Variants in ALS2 observed in about 807,000 individuals in gnomAD.
ALS2 encodes alsin Rho guanine nucleotide exchange factor ALS2, also known as alsin.
Under a neutral mutation model 203.4 loss-of-function variants are expected in ALS2, and 117 were observed. That is an observed-to-expected ratio of 0.58 (90% CI 0.50 to 0.67). The LOEUF is 0.67. Among genes scored for constraint, ALS2 ranks in the 30% least tolerant of loss-of-function variants. ALS2 has a pLI of 0.00. For synonymous variants in ALS2, 718 were observed against 725.9 expected (o/e 0.99, Z 0.17); for missense variants, 1,715 against 1,989.4 (o/e 0.86, Z 2.62).
intron 26 of ALS2, 45 bp downstream of exon 26, chr2:201,710,946 G>T: frequency 8.7e-7 from 1 of 1,147,910 alleles, no homozygotes; most frequent in South Asian, 1.2e-5. Context: ...TGTGGTAGGT[G>T]AATCATTAAT....
chr2:201,744,497 G>T, intron 9 of ALS2, 68 bp from the exon 10 acceptor site: 1 of 1,497,508 alleles, frequency 6.7e-7, no homozygotes, highest in Non-Finnish European at 9.2e-7. Flanking sequence ...GTATACTGAA[G>T]CTGGCTTATA....
chr2:201,730,475 T>C (rs547727489), intron 13 of ALS2, among the ~76,000 whole-genome samples: 56 of 152,326 alleles, frequency 3.7e-4, no homozygotes, highest in African/African-American at 1.3e-3. Context: ...TCTCTAACAT[T>C]CTAATTTTCG....
intron 20 of ALS2, among the ~76,000 whole-genome samples, chr2:201,724,946 T>TA (rs1185697980): frequency 6.6e-6 from 1 of 152,002 alleles, no homozygotes; most frequent in Non-Finnish European, 1.5e-5. Context: ...ACCCTGTCTC[T>TA]ACTAAAAATA....
At chr2:201,743,598 C>T (rs994888488) in intron 10 of ALS2, among the ~76,000 whole-genome samples, 2 of 152,228 alleles carry the variant, frequency 1.3e-5, no homozygotes, top group African/African-American at 4.8e-5. Flanking sequence ...AATTCTCCTG[C>T]CTCAGCCTCC....
At chr2:201,762,174 C>T (rs1373973261) in intron 3 of ALS2, among the ~76,000 whole-genome samples, 1 of 152,070 alleles carries the variant, frequency 6.6e-6, no homozygotes, top group African/African-American at 2.4e-5. Flanking sequence ...AATAAATAAC[C>T]ATGTTAAGAT....
chr2:201,761,660 C>T lies in ALS2; in HGVS notation c.334G>A (p.Ala112Thr), dbSNP rs372826085. 5.0e-6 allele frequency: 8 copies of T among 1,614,020 alleles called. No homozygotes were observed. The highest frequency in any genetic ancestry group is 2.7e-5 in the African/African-American group (2 of 74,900). The change falls in exon 4 of 34, where the codon GCG becomes ACG. Residue 112 changes from alanine (A) to threonine (T), a missense_variant. By Grantham distance (58) the Ala-to-Thr change is moderately conservative. Transcript: ENST00000264276. ...GCAGAATTCTCTCCCCACATGTACGCGACACCATTGTCTGTCACTGCTCCA... is the reference window on the plus strand; with the variant it reads ...GCAGAATTCTCTCCCCACATGTACGTGACACCATTGTCTGTCACTGCTCCA... ...HSGAVTDNGV[A>T]YMWGENSAGQ...
chr2:201,768,936 C>T lies in ALS2; in HGVS notation c.-51G>A. 6.4e-7 allele frequency: 1 copy of T among 1,559,032 alleles called. No individual in the cohort carries two copies. Among genetic ancestry groups the T allele is most frequent in the Non-Finnish European group, 8.8e-7 (1 of 1,131,454 alleles). On this transcript the variant is annotated 5_prime_UTR_variant, in exon 2 of 34. Coordinates refer to ENST00000264276, the MANE Select transcript of ALS2 (RefSeq NM_020919.4). ...AAATCATTCCTTCTTTACAGAAAGT[C>T]TATCAAGACCTAAACAGTACAAGTA...
chr2:201,777,485 T>C (rs1182202541), intron 1 of ALS2, among the ~76,000 whole-genome samples: 1 of 152,160 alleles, frequency 6.6e-6, no homozygotes, highest in Admixed American at 6.5e-5. Context: ...AATAAAAATG[T>C]TAAAGTGCTA....
At chr2:201,709,161 G>A (rs1038480946) in intron 27 of ALS2, among the ~76,000 whole-genome samples, 11 of 152,164 alleles carry the variant, frequency 7.2e-5, no homozygotes, top group African/African-American at 2.7e-4. Context: ...TCTTCCCAAA[G>A]ATGCTTACTG....
chr2:201,760,358 A>G (rs1449359728), intron 4 of ALS2: 1 of 985,754 alleles, frequency 1.0e-6, no homozygotes, highest in Non-Finnish European at 1.2e-6. Context: ...TCTTCAAATT[A>G]AGCCCAGTAA....
intron 5 of ALS2, 135 bp from the exon 6 acceptor site, chr2:201,754,806 G>T: frequency 1.1e-6 from 1 of 905,178 alleles, no homozygotes; most frequent in Non-Finnish European, 1.7e-6. Context: ...GAGGCTCTCT[G>T]TAGAAAAGGG....
In ALS2 at chr2:201,758,893, C is replaced by T. The variant is rs146675192; in HGVS notation, c.1114-1134G>A. 4.1e-3 allele frequency among the ~76,000 whole-genome samples: 630 copies of T among 152,094 alleles called. 14 individuals carry two copies. Among genetic ancestry groups the T allele is most frequent in the East Asian group, 0.016 (85 of 5,190 alleles). The stretch of plus-strand genomic sequence containing the variant: ...ACTCAAAACATTTTGTTGAATTAAA[C>T]GCTAAATTCAAAAGAGCTATTTCCA... On this transcript the variant is annotated intron_variant, in intron 4 of 33. Coordinates refer to ENST00000264276, the MANE Select transcript of ALS2 (RefSeq NM_020919.4).
At chr2:201,770,666 A>G (rs1694334262) in intron 1 of ALS2, among the ~76,000 whole-genome samples, 1 of 152,186 alleles carries the variant, frequency 6.6e-6, no homozygotes, top group Admixed American at 6.5e-5. Context: ...ATGTAATCAT[A>G]AACATCCTTA....
chr2:201,752,528 T>A (rs17469413), intron 7 of ALS2, among the ~76,000 whole-genome samples: 7,010 of 152,200 alleles, frequency 0.046, 226 homozygotes, highest in Middle Eastern at 0.092. Context: ...TAGCCTAGTA[T>A]GTGAAATGTG....
chr2:201,751,005 A>C (rs1424238689), intron 7 of ALS2, among the ~76,000 whole-genome samples: 1 of 151,956 alleles, frequency 6.6e-6, no homozygotes, highest in African/African-American at 2.4e-5. Context: ...GGCGCCTGTC[A>C]TCACGCCCGG....
chr2:201,713,752 A>C (rs1690191290), intron 25 of ALS2, among the ~76,000 whole-genome samples: 3 of 151,342 alleles, frequency 2.0e-5, no homozygotes, highest in Admixed American at 6.6e-5. Context: ...AGTATTTTAT[A>C]ATAGTTGCTT....
chr2:201,704,561 C>T lies in ALS2; in HGVS notation c.4731G>A (p.Gln1577=). 6.2e-7 allele frequency: 1 copy of T among 1,614,138 alleles called. No individual in the cohort carries two copies. The highest frequency in any genetic ancestry group is 8.5e-7 in the Non-Finnish European group (1 of 1,180,008). Residue 1577 remains glutamine, a synonymous_variant, in exon 32 of 34, where the codon CAG becomes CAA. Transcript: ENST00000264276. ...CACTCTGAGAGATCTCCTCAAAAGT[C>T]TGCTGGATGACCTTAAGTTTGTCTG... The part of the protein sequence containing the change: ...TPSDKLKVIQ[Q]TFEEISQSVL...
At chr2:201,728,430 T>C in intron 15 of ALS2, 82 bp downstream of exon 15, 1 of 1,562,436 alleles carries the variant, frequency 6.4e-7, no homozygotes, top group Non-Finnish European at 8.8e-7. Context: ...CACACTAGTT[T>C]TGAACATAAA....
chr2:201,745,991 A>G (rs1489489405), intron 9 of ALS2, among the ~76,000 whole-genome samples: 1 of 152,262 alleles, frequency 6.6e-6, no homozygotes, highest in South Asian at 2.1e-4. Flanking sequence ...AAAGTGGAGA[A>G]GTGAAGCAGG....
Sources: allele counts gnomAD v4.1 joint callset (sites outside exome capture counted in the v4.1 genomes callset), GRCh38; gene constraint gnomAD v4.1.1; transcripts MANE v1.5; gene names NCBI Gene and HGNC (gene_info 2026-07-23, HGNC 2026-07-21).